Variants in ACTR3C observed in about 807,000 individuals in gnomAD.
ACTR3C encodes actin-related protein 3C.
ACTR3C carries 18 observed loss-of-function variants against 26.3 expected under a neutral mutation model. That is an observed-to-expected ratio of 0.68 (90% CI 0.47 to 1.01). The LOEUF (loss-of-function observed/expected upper bound fraction) is 1.01. Ranked by LOEUF, ACTR3C falls within the 50% of genes least tolerant of loss-of-function variation. ACTR3C has a pLI of 0.00. For missense variants in ACTR3C, 184 were observed against 250.7 expected, an observed-to-expected ratio of 0.73 and a Z score of 1.80; for synonymous variants, 55 against 94.5, an observed-to-expected ratio of 0.58 and a Z score of 2.42.
chr7:149,994,573 C>T, the ACTR3C span, among the ~76,000 whole-genome samples: 1 of 151,936 alleles, frequency 6.6e-6, no homozygotes, highest in Admixed American at 6.6e-5. Flanking sequence ...TGCACTCCAG[C>T]CTGGGCAACA....
At chr7:150,042,763 A>AC in the ACTR3C span, among the ~76,000 whole-genome samples, 19 of 149,788 alleles carry the variant, frequency 1.3e-4, no homozygotes, top group Non-Finnish European at 2.2e-4. Context: ...TCCTTTAGAA[A>AC]CCTGTCTAGT....
the ACTR3C span, among the ~76,000 whole-genome samples, chr7:150,156,240 G>A: frequency 1.6e-4 from 24 of 152,194 alleles, no homozygotes; most frequent in African/African-American, 5.6e-4. Context: ...CAAGATTCCT[G>A]TTTGCCGCTG....
chr7:150,036,471 A>G, the ACTR3C span, among the ~76,000 whole-genome samples: 14 of 145,926 alleles, frequency 9.6e-5, no homozygotes, highest in East Asian at 2.5e-3. Flanking sequence ...GGGTAGCCCC[A>G]GGGCTGGGGC....
chr7:150,233,391 G>T, the ACTR3C span, among the ~76,000 whole-genome samples: 178 of 149,118 alleles, frequency 1.2e-3, 3 homozygotes, highest in East Asian at 0.031. Context: ...TAATTGTTTT[G>T]GTATTTCTCC....
At chr7:150,091,636 G>T in the ACTR3C span, among the ~76,000 whole-genome samples, 1 of 109,834 alleles carries the variant, frequency 9.1e-6, no homozygotes. Context: ...CAACAATGGA[G>T]ACTATTTTCT....
the ACTR3C span, among the ~76,000 whole-genome samples, chr7:150,006,813 AT>A: frequency 6.6e-6 from 1 of 152,108 alleles, no homozygotes; most frequent in African/African-American, 2.4e-5. Flanking sequence ...AAAATGAAAC[AT>A]TTTTCAAGGT....
the ACTR3C span, among the ~76,000 whole-genome samples, chr7:150,206,145 C>T: frequency 2.2e-4 from 33 of 152,326 alleles, no homozygotes; most frequent in African/African-American, 7.5e-4. Flanking sequence ...TGCTGCTCTC[C>T]GCTTTCTCTT....
chr7:149,947,732 C>T, the ACTR3C span, among the ~76,000 whole-genome samples: 1 of 142,538 alleles, frequency 7.0e-6, no homozygotes, highest in Admixed American at 6.8e-5. Context: ...AAAGGCACTG[C>T]AATTGTTCTG....
downstream of ACTR3C, chr7:150,247,160 T>C (rs959788695): frequency 6.6e-6 from 1 of 152,176 alleles, no homozygotes; most frequent in Non-Finnish European, 1.5e-5. Flanking sequence ...TAATTTTGTT[T>C]ATTGCCACCC....
chr7:150,208,064 A>C, the ACTR3C span, among the ~76,000 whole-genome samples: 1 of 152,230 alleles, frequency 6.6e-6, no homozygotes, highest in African/African-American at 2.4e-5. Context: ...GAGACACTGG[A>C]TATCAAAGAA....
At chr7:150,054,463 G>A in the ACTR3C span, among the ~76,000 whole-genome samples, 1 of 152,184 alleles carries the variant, frequency 6.6e-6, no homozygotes, top group Non-Finnish European at 1.5e-5. Context: ...GCACTCTGAT[G>A]ATCCACCATA....
chr7:150,033,227 C>A, the ACTR3C span, among the ~76,000 whole-genome samples: 2 of 152,134 alleles, frequency 1.3e-5, no homozygotes, highest in African/African-American at 4.8e-5. Context: ...CTCTGATCAG[C>A]CCAGGACTCT....
At chr7:150,013,591 A>G in the ACTR3C span, among the ~76,000 whole-genome samples, 132 of 152,348 alleles carry the variant, frequency 8.7e-4, no homozygotes, top group Middle Eastern at 0.01. Flanking sequence ...TTCCCTCCTC[A>G]GGGCTCTCAT....
intron 6 of ACTR3C, among the ~76,000 whole-genome samples, chr7:150,255,242 ATTTTTTTTT>A (rs745713614): frequency 2.3e-5 from 2 of 85,600 alleles, no homozygotes; most frequent in Non-Finnish European, 4.6e-5. Context: ...TTTGTAGGGG[ATTTTTTTTT>A]TTTTTTTTTT....
chr7:150,048,928 G>T, the ACTR3C span, among the ~76,000 whole-genome samples: 1 of 152,110 alleles, frequency 6.6e-6, no homozygotes, highest in African/African-American at 2.4e-5. Flanking sequence ...CGCCCCTCGC[G>T]GGCGCTGCGC....
chr7:150,288,753 CA>C (rs1169165785), intron 4 of ACTR3C, among the ~76,000 whole-genome samples: 1 of 145,484 alleles, frequency 6.9e-6, no homozygotes, highest in Non-Finnish European at 1.5e-5. Flanking sequence ...ATCACCATTT[CA>C]GCACTGAGAG....
the ACTR3C span, among the ~76,000 whole-genome samples, chr7:150,209,064 T>C: frequency 2.6e-5 from 4 of 151,906 alleles, no homozygotes; most frequent in Non-Finnish European, 5.9e-5. Context: ...CTTGAAGACA[T>C]AATAATAAAA....
rs1402321400 is a variant in ACTR3C, at chr7:150,272,690, G to T, written c.564+12063C>A. ...AGTGTCTTTTTTGTGTGTTTTTTTG[G>T]TTTTTTTTTTTTTTTTTTGAGACAA... On this transcript the variant is annotated intron_variant, in intron 6 of 7. Transcript: ENST00000683684. Among the ~76,000 whole-genome samples the T allele has an allele frequency of 1.1e-3, 131 of 113,964 alleles. 14 individuals carry two copies. Among genetic ancestry groups the T allele is most frequent in the East Asian group, 1.9e-3 (8 of 4,116 alleles). The allele number at this position is 113,964 out of a possible 152,430, so 74.8% of individuals were successfully genotyped here.
the ACTR3C span, among the ~76,000 whole-genome samples, chr7:150,073,462 G>A: frequency 6.7e-6 from 1 of 149,366 alleles, no homozygotes; most frequent in African/African-American, 2.5e-5. Flanking sequence ...AGCTAGCCGT[G>A]TGGGATGAAT....
Sources: allele counts gnomAD v4.1 joint callset (sites outside exome capture counted in the v4.1 genomes callset), GRCh38; gene constraint gnomAD v4.1.1; transcripts MANE v1.5; gene names NCBI Gene and HGNC (gene_info 2026-07-23, HGNC 2026-07-21).